The following CCDC148 variants were observed in gnomAD, a reference collection of about 807,000 sequenced individuals.
CCDC148 encodes the protein coiled-coil domain containing 148.
A neutral mutation model predicts 85.7 loss-of-function variants in CCDC148; 89 were observed. The observed-to-expected ratio is 1.04, with a 90% confidence interval of 0.87 to 1.24. CCDC148 has a LOEUF of 1.24. Among genes scored for constraint, CCDC148 ranks in the 50% most tolerant of loss-of-function variants. The pLI, the probability that CCDC148 is intolerant of heterozygous loss-of-function variation, is 0.00. For missense variants in CCDC148, 692 were observed against 671.7 expected, an observed-to-expected ratio of 1.03 and a Z score of -0.33; for synonymous variants, 230 against 213.9, an observed-to-expected ratio of 1.08 and a Z score of -0.66.
At chr2:158,293,047 C>T (rs1295122329) in intron 9 of CCDC148, among the ~76,000 whole-genome samples, 1 of 152,126 alleles carries the variant, frequency 6.6e-6, no homozygotes, top group Non-Finnish European at 1.5e-5. Flanking sequence ...AAAATGTACC[C>T]TTCCTAACAA....
At chr2:158,233,687 T>G (rs942342699) in intron 10 of CCDC148, among the ~76,000 whole-genome samples, 2 of 151,922 alleles carry the variant, frequency 1.3e-5, no homozygotes, top group African/African-American at 4.8e-5. Flanking sequence ...GGTTTGGAGG[T>G]GCATTTAATC....
At chr2:158,243,403 A>G (rs2105322406) in intron 10 of CCDC148, among the ~76,000 whole-genome samples, 1 of 152,266 alleles carries the variant, frequency 6.6e-6, no homozygotes, top group South Asian at 2.1e-4. Context: ...TGTCCCTTTC[A>G]GTCCAAGCTG....
rs577094464 is a variant in CCDC148 at position 158,282,277 on chromosome 2, G to T, written c.1110+27156C>A. ...AACATAGTGTTGGAAGTTCTGGCCA[G>T]GGCAATCAGGCAGAAGAAGGAAATA... On this transcript the variant is annotated intron_variant, in intron 9 of 13. Transcript: ENST00000283233. Among the ~76,000 whole-genome samples the T allele has an allele frequency of 8.1e-4, 123 of 152,230 alleles. 3 individuals are homozygous for T. The South Asian group carries it at 0.025, about 31-fold the overall frequency.
intron 11 of CCDC148, among the ~76,000 whole-genome samples, chr2:158,214,003 A>T (rs1390788453): frequency 6.6e-6 from 1 of 151,246 alleles, no homozygotes; most frequent in Non-Finnish European, 1.5e-5. Context: ...GGGGAGGGGG[A>T]GAAGACTTTG....
chr2:158,211,255 G>A (rs889392236), intron 11 of CCDC148, among the ~76,000 whole-genome samples: 1 of 152,070 alleles, frequency 6.6e-6, no homozygotes, highest in Admixed American at 6.6e-5. Flanking sequence ...CACTAGTTAT[G>A]TACCAAAATA....
intron 1 of CCDC148, among the ~76,000 whole-genome samples, chr2:158,386,932 C>T (rs1685109022): frequency 6.6e-6 from 1 of 152,164 alleles, no homozygotes; most frequent in Admixed American, 6.5e-5. Context: ...GCCAGTGAAT[C>T]TCTGGCAAGC....
At chr2:158,345,343 A>T (rs1164574538) in intron 2 of CCDC148, 25 bp from the exon 3 acceptor site, 1 of 1,525,340 alleles carries the variant, frequency 6.6e-7, no homozygotes, top group Non-Finnish European at 9.0e-7. Context: ...ACAAAAGAGG[A>T]GCAACTTCAA....
At chr2:158,219,012 A>G (rs568566028) in intron 11 of CCDC148, among the ~76,000 whole-genome samples, 5 of 152,334 alleles carry the variant, frequency 3.3e-5, no homozygotes, top group Admixed American at 3.3e-4. Context: ...TAACAGTCAC[A>G]TGGGTCACAA....
intron 7 of CCDC148, among the ~76,000 whole-genome samples, chr2:158,318,467 G>T (rs765538242): frequency 2.6e-5 from 4 of 152,152 alleles, no homozygotes; most frequent in Non-Finnish European, 5.9e-5. Flanking sequence ...GAAGAATGAT[G>T]AAAAGATAGC....
At chr2:158,444,612 C>G (rs981573863) in intron 1 of CCDC148, among the ~76,000 whole-genome samples, 1 of 151,220 alleles carries the variant, frequency 6.6e-6, no homozygotes, top group Non-Finnish European at 1.5e-5. Context: ...GAGACCTCAT[C>G]TCTATAAAAA....
chr2:158,365,705 A>G (rs1338007104), intron 1 of CCDC148, among the ~76,000 whole-genome samples: 2 of 152,194 alleles, frequency 1.3e-5, no homozygotes, highest in Non-Finnish European at 2.9e-5. Flanking sequence ...TACCTAATGT[A>G]GATGACGGGT....
At chr2:158,293,958 C>G (rs1691019933) in intron 9 of CCDC148, among the ~76,000 whole-genome samples, 19 of 13,394 alleles carry the variant, frequency 1.4e-3, no homozygotes, top group African/African-American at 5.1e-3. Flanking sequence ...TCCCCTCTCC[C>G]TCCCTCCCTC....
intron 7 of CCDC148, among the ~76,000 whole-genome samples, chr2:158,336,096 G>T (rs1682364271): frequency 6.6e-6 from 1 of 152,026 alleles, no homozygotes; most frequent in South Asian, 2.1e-4. Context: ...CCACATACAT[G>T]AACACAATCT....
chr2:158,254,407 C>G (rs2105145403), intron 9 of CCDC148, among the ~76,000 whole-genome samples: 1 of 151,658 alleles, frequency 6.6e-6, no homozygotes, highest in African/African-American at 2.4e-5. Flanking sequence ...ACTATTATTT[C>G]AAGGGGCAGG....
rs965487033 is a variant in CCDC148, at chr2:158,439,068, C to A, written c.25+17347G>T. On this transcript the variant is annotated intron_variant, in intron 1 of 13. Transcript: ENST00000283233. ...TCAACCATTGTGGAAGTCAGTGTGG[C>A]GATTCCTCAGGGATCTAGAACTAGA... Among the ~76,000 whole-genome samples, 4 of 152,068 alleles carry A rather than the reference C, an allele frequency of 2.6e-5. No individual in the cohort carries two copies. The East Asian group carries it at 7.7e-4, about 29-fold the overall frequency.
chr2:158,212,916 T>G (rs1686655951), intron 11 of CCDC148, among the ~76,000 whole-genome samples: 1 of 152,318 alleles, frequency 6.6e-6, no homozygotes, highest in East Asian at 1.9e-4. Flanking sequence ...AAAAGTGGAA[T>G]GGTCTCAAGA....
chr2:158,420,171 T>G (rs1286176102), intron 1 of CCDC148: 1 of 152,120 alleles, frequency 6.6e-6, no homozygotes, highest in Non-Finnish European at 1.5e-5. Flanking sequence ...TGGAAAACAC[T>G]CTGCAGGATA....
intron 1 of CCDC148, among the ~76,000 whole-genome samples, chr2:158,414,315 A>C (rs1476303652): frequency 1.3e-5 from 2 of 152,224 alleles, no homozygotes; most frequent in Admixed American, 1.3e-4. Flanking sequence ...TTTTACTAAA[A>C]AAGGTTTCAA....
At chr2:158,250,153 T>C (rs1304217348) in intron 10 of CCDC148, among the ~76,000 whole-genome samples, 2 of 152,084 alleles carry the variant, frequency 1.3e-5, no homozygotes. Context: ...CATATATATT[T>C]AAAACAAAAC....
Sources: gnomAD v4.1 joint callset for allele counts (sites outside exome capture counted in the v4.1 genomes callset) on GRCh38, gnomAD v4.1.1 for gene constraint, MANE v1.5 for transcripts, NCBI Gene and HGNC (gene_info 2026-07-23, HGNC 2026-07-21) for gene names.